The following SNX17 variants were observed in gnomAD, a reference collection of about 807,000 sequenced individuals.
The protein encoded by SNX17 is sorting nexin 17, also known as sorting nexin-17.
SNX17 carries 35 observed loss-of-function variants against 64.3 expected under a neutral mutation model. The ratio of observed to expected loss-of-function variants is 0.54; its 90% CI spans 0.42 to 0.72. The LOEUF (loss-of-function observed/expected upper bound fraction) is 0.72. Ranked by LOEUF, SNX17 falls within the 30% of genes least tolerant of loss-of-function variation. The pLI, the probability that SNX17 is intolerant of heterozygous loss-of-function variation, is 0.00. For synonymous variants in SNX17, 259 were observed against 230.2 expected (o/e 1.13, Z -1.13); for missense variants, 538 against 610.0 (o/e 0.88, Z 1.24).
In SNX17 at chr2:27,375,666, C is replaced by T; in HGVS notation, c.935C>T (p.Ser312Phe). ...CCTGGCCAGCAACTCCGAGAAGGCTCCTTCCGGGTCACCCGCATGCGATGC... is the reference window on the plus strand; with the variant it reads ...CCTGGCCAGCAACTCCGAGAAGGCTTCTTCCGGGTCACCCGCATGCGATGC... ...RLPGQQLREG[S>F]FRVTRMRCWR... Residue 312 changes from serine (S) to phenylalanine (F), a missense_variant, in exon 10 of 15, where the codon TCC becomes TTC. Around this residue, in one of 3 missense-constraint regions of SNX17, gnomAD observed 505 missense variants for 550.4 expected, o/e 0.92. Transcript: ENST00000233575. This position sits in a 1 kb window ranked among gnomAD's most constrained non-coding sequence, Gnocchi z 4.1. 1 of 1,614,214 alleles carries T rather than the reference C, an allele frequency of 6.2e-7. No homozygotes were observed. Among genetic ancestry groups the T allele is most frequent in the Non-Finnish European group, 8.5e-7 (1 of 1,180,046 alleles).
chr2:27,375,953 C>A lies in SNX17; in HGVS notation c.1086C>A (p.Val362=). The part of the protein sequence containing the change: ...YLMSKDRLQW[V]TITSPQAIMM... ...TGAGCAAGGACCGGCTACAGTGGGTCACCATCACTAGCCCCCAGGTGTGAA... is the reference window on the plus strand; with the variant it reads ...TGAGCAAGGACCGGCTACAGTGGGTAACCATCACTAGCCCCCAGGTGTGAA... Residue 362 remains valine (V), a synonymous_variant, in exon 11 of 15, where the codon GTC becomes GTA. Coordinates refer to ENST00000233575, the MANE Select transcript of SNX17 (RefSeq NM_014748.4). This position sits in a 1 kb window ranked among gnomAD's most constrained non-coding sequence, Gnocchi z 4.1. The A allele has an allele frequency of 6.2e-7, 1 of 1,614,116 alleles. No individual in the cohort carries two copies.
In SNX17 at chr2:27,377,533, G is replaced by A. The variant is rs756976474; in HGVS notation, c.*814G>A. 1.9e-6 allele frequency: 3 copies of A among 1,613,696 alleles called. No individual in the cohort carries two copies. The South Asian group carries it at 3.3e-5, about 18-fold the overall frequency. On this transcript the variant is annotated 3_prime_UTR_variant, in exon 15 of 15. Coordinates refer to ENST00000233575, the MANE Select transcript of SNX17 (RefSeq NM_014748.4). This position sits in a 1 kb window ranked among gnomAD's most constrained non-coding sequence, Gnocchi z 4.4. ...GTCCGTCTGTATAAAACATGGGGAA[G>A]AAGGACCTAGTTCAGGATGAGTCTG...
chr2:27,370,965 A>AT (rs1307583947), intron 1 of SNX17, among the ~76,000 whole-genome samples, 159 bp downstream of exon 1: 1 of 152,112 alleles, frequency 6.6e-6, no homozygotes, highest in Non-Finnish European at 1.5e-5. Context: ...CATGTGTGTG[A>AT]TTCGTGCAGT....
rs1682754342 is a variant in SNX17, at chr2:27,372,669, A to G, written c.185A>G (p.Lys62Arg). ...GANVLPAFPP[K>R]KLFSLTPAEV... is the part of the protein sequence containing the mutation. ...AATGTGCTTCCTGCATTCCCCCCAA[A>G]GAAGCTTTTCTCTCTGACTCCTGCT... Residue 62 changes from lysine to arginine, a missense_variant, in exon 3 of 15, where the codon AAG (lysine) becomes AGG (arginine). Transcript: ENST00000233575. The G allele has an allele frequency of 1.2e-6, 2 of 1,614,224 alleles. No homozygotes were observed. The highest frequency in any genetic ancestry group is 1.7e-6 in the Non-Finnish European group (2 of 1,180,030).
Position 27,377,206 on chromosome 2 carries a change from T to A in SNX17, c.*487T>A, listed in dbSNP as rs1433931496. 1 of 492,950 alleles carries A rather than the reference T, an allele frequency of 2.0e-6. No individual in the cohort carries two copies. Among genetic ancestry groups the A allele is most frequent in the Non-Finnish European group, 3.7e-6 (1 of 268,632 alleles). The allele number at this position is 492,950 out of a possible 1,614,324, so 30.5% of individuals were successfully genotyped here. A position where few individuals can be genotyped will look rare whatever the true frequency, so the allele number is the denominator to read the frequency against. Reference sequence around the variant, plus strand: ...ATGCTAAGGGTAAGGCCAAATTGCCTGCCATTGCCAATTCAGCATAGACAT... The same window carrying A: ...ATGCTAAGGGTAAGGCCAAATTGCCAGCCATTGCCAATTCAGCATAGACAT... On this transcript the variant is annotated 3_prime_UTR_variant, in exon 15 of 15. Transcript: ENST00000233575. The surrounding 1 kb of genome is among the most constrained non-coding windows in gnomAD (Gnocchi z 4.4).
chr2:27,370,841 G>C lies in SNX17; in HGVS notation c.63+35G>C, dbSNP rs1425034360. 9.1e-6 allele frequency: 14 copies of C among 1,531,070 alleles called. No individual in the cohort carries two copies. The East Asian group carries it at 3.4e-4, about 38-fold the overall frequency. 94.8% of individuals were successfully genotyped at this position (1,531,070 alleles called of 1,614,324 possible). On this transcript the variant is annotated intron_variant, in intron 1 of 14. Coordinates refer to ENST00000233575, the MANE Select transcript of SNX17 (RefSeq NM_014748.4). ...GGCCGGAGCCGAGCCGGGCCGGGCA[G>C]GGGCGGGGATAACGGGCCCGAGCCA...
In SNX17 at chr2:27,372,713, G is replaced by C. The variant is rs779601816; in HGVS notation, c.229G>C (p.Glu77Gln). Residue 77 changes from glutamate (E) to glutamine (Q), a missense_variant, in exon 3 of 15, where the codon GAG (glutamate) becomes CAG (glutamine). Glu to Gln is a conservative substitution (Grantham distance 29). This residue lies in a region of SNX17 where 505 missense variants were observed against 550.4 expected (regional missense o/e 0.92). Coordinates refer to ENST00000233575, the MANE Select transcript of SNX17 (RefSeq NM_014748.4). ...TCCTGCTGAGGTAGAACAGAGGAGA[G>C]AGCAGTTAGAGAAGTACATGCAAGC... ...LTPAEVEQRR[E>Q]QLEKYMQAVR... 2 of 1,614,220 alleles carry C rather than the reference G, an allele frequency of 1.2e-6. No individual in the cohort carries two copies. Among genetic ancestry groups the C allele is most frequent in the African/African-American group, 1.3e-5 (1 of 75,064 alleles).
chr2:27,375,074 T>G lies in SNX17; in HGVS notation c.695T>G (p.Ile232Ser), dbSNP rs758854166. 1 of 1,614,136 alleles carries G rather than the reference T, an allele frequency of 6.2e-7. No homozygotes were observed. Among genetic ancestry groups the G allele is most frequent in the Non-Finnish European group, 8.5e-7 (1 of 1,180,012 alleles). ...TCTCTACTATAGACGGTATCAGATA[T>G]TGAGCGTGGGTGGATCTTGGTCACC... ...NLLYAQTVSD[I>S]ERGWILVTKE... Residue 232 changes from isoleucine to serine, a missense_variant, in exon 9 of 15, where the codon ATT becomes AGT. Physicochemically the swap from Ile to Ser is moderately radical, Grantham distance 142. Transcript: ENST00000233575. This position sits in a 1 kb window ranked among gnomAD's most constrained non-coding sequence, Gnocchi z 4.1.
chr2:27,372,696 A>C lies in SNX17; in HGVS notation c.212A>C (p.Glu71Ala), dbSNP rs552010130. 1.2e-6 allele frequency: 2 copies of C among 1,614,200 alleles called. No individual in the cohort carries two copies. The highest frequency in any genetic ancestry group is 1.3e-5 in the African/African-American group (1 of 75,060). Residue 71 changes from glutamate (E) to alanine (A), a missense_variant, in exon 3 of 15, where the codon GAG (glutamate) becomes GCG (alanine). Glu to Ala is a moderately radical substitution (Grantham distance 107). Around this residue, in one of 3 missense-constraint regions of SNX17, gnomAD observed 505 missense variants for 550.4 expected, o/e 0.92. Transcript: ENST00000233575. ...PKKLFSLTPA[E>A]VEQRREQLEK... is the part of the protein sequence containing the mutation. ...AAGCTTTTCTCTCTGACTCCTGCTGAGGTAGAACAGAGGAGAGAGCAGTTA... is the reference window on the plus strand; with the variant it reads ...AAGCTTTTCTCTCTGACTCCTGCTGCGGTAGAACAGAGGAGAGAGCAGTTA...
chr2:27,374,481 T>C (rs1682965152), intron 7 of SNX17, 48 bp downstream of exon 7: 1 of 1,518,252 alleles, frequency 6.6e-7, no homozygotes, highest in East Asian at 2.3e-5. Flanking sequence ...CTGTGCTGGA[T>C]TGGATTATTG....
Position 27,377,414 on chromosome 2 carries a change from G to C in SNX17, c.*695G>C, listed in dbSNP as rs577733777. ...AGGCAAGGTCCCCTGGTCCATATGG[G>C]CCCCCCCGCCCATGGGGTTGGGCTG... On this transcript the variant is annotated 3_prime_UTR_variant, in exon 15 of 15. Transcript: ENST00000233575. This position sits in a 1 kb window ranked among gnomAD's most constrained non-coding sequence, Gnocchi z 4.4. 2.2e-5 allele frequency: 22 copies of C among 1,010,832 alleles called. No individual in the cohort carries two copies. The East Asian group carries it at 4.1e-4, about 19-fold the overall frequency. The allele number at this position is 1,010,832 out of a possible 1,614,324, so 62.6% of individuals were successfully genotyped here.
In SNX17 at chr2:27,376,731, T is replaced by C. The variant is rs758854649; in HGVS notation, c.*12T>C. The C allele has an allele frequency of 6.2e-7, 1 of 1,605,028 alleles. No homozygotes were observed. The highest frequency in any genetic ancestry group is 1.1e-5 in the South Asian group (1 of 90,836). On this transcript the variant is annotated 3_prime_UTR_variant, in exon 15 of 15. Coordinates refer to ENST00000233575, the MANE Select transcript of SNX17 (RefSeq NM_014748.4). Reference sequence around the variant, plus strand: ...ATGAGGATCTGTAATCTCCACTGCTTGGATGTCTGCCCTCTACCCCAGAGG... The same window carrying C: ...ATGAGGATCTGTAATCTCCACTGCTCGGATGTCTGCCCTCTACCCCAGAGG...
At position 27,375,606 on chromosome 2, in the gene SNX17, C is replaced by T. The variant is rs201136377; in HGVS notation, c.875C>T (p.Ala292Val). 6.3e-5 allele frequency: 102 copies of T among 1,614,134 alleles called. No individual in the cohort carries two copies. The highest frequency in any genetic ancestry group is 8.1e-5 in the Non-Finnish European group (95 of 1,180,004). Residue 292 changes from alanine to valine, a missense_variant, in exon 10 of 15, where the codon GCG (alanine) becomes GTG (valine). By Grantham distance (64) the Ala-to-Val change is moderately conservative. Coordinates refer to ENST00000233575, the MANE Select transcript of SNX17 (RefSeq NM_014748.4). This position sits in a 1 kb window ranked among gnomAD's most constrained non-coding sequence, Gnocchi z 4.1. ...PEKDCPVVVS[A>V]GNSELSLQLR... Reference sequence around the variant, plus strand: ...AAGGACTGTCCTGTGGTGGTGAGCGCGGGCAACAGTGAGCTCAGCCTGCAG... The same window carrying T: ...AAGGACTGTCCTGTGGTGGTGAGCGTGGGCAACAGTGAGCTCAGCCTGCAG...
At chr2:27,370,921 G>A in intron 1 of SNX17, 115 bp downstream of exon 1, 3 of 1,181,302 alleles carry the variant, frequency 2.5e-6, no homozygotes, top group Admixed American at 2.7e-5. Context: ...GTCCTGGGCC[G>A]CCGACTCCCG....
rs1232759723 is a variant in SNX17 at position 27,376,779 on chromosome 2, G to C, written c.*60G>C. The C allele has an allele frequency of 2.1e-6, 3 of 1,436,294 alleles. No individual in the cohort carries two copies. The East Asian group carries it at 6.9e-5, about 33-fold the overall frequency. 89.0% of individuals were successfully genotyped at this position (1,436,294 alleles called of 1,614,324 possible). ...AGGAATTTACAGAAACTTGCCCTGT[G>C]CCTGTGTCCCCCATGCTAGGGGCGG... On this transcript the variant is annotated 3_prime_UTR_variant, in exon 15 of 15. Transcript: ENST00000233575.
chr2:27,376,028 A>T lies in SNX17; in HGVS notation c.1104+57A>T. ...CACCTTAAAGTGTAGAGTTTCCAGT[A>T]CTCAATATGGGAGGCATTAGTGGTG... On this transcript the variant is annotated intron_variant, in intron 11 of 14. Transcript: ENST00000233575. The T allele has an allele frequency of 1.1e-5, 17 of 1,613,684 alleles. No homozygotes were observed. The South Asian group carries it at 1.8e-4, about 17-fold the overall frequency.
Position 27,371,473 on chromosome 2 carries a change from G to A in SNX17, c.138+130G>A, listed in dbSNP as rs545009665. 3 of 1,417,444 alleles carry A rather than the reference G, an allele frequency of 2.1e-6. No individual in the cohort carries two copies. The East Asian group carries it at 8.0e-5, about 38-fold the overall frequency. 87.8% of individuals were successfully genotyped at this position (1,417,444 alleles called of 1,614,324 possible). ...CCCTTTAATCACTGCCACAGGGTAG[G>A]GCCCTGGTTTATCTTGTCTGACATT... On this transcript the variant is annotated intron_variant, in intron 2 of 14. Transcript: ENST00000233575.
chr2:27,376,820 C>T lies in SNX17; in HGVS notation c.*101C>T, dbSNP rs1022420202. On this transcript the variant is annotated 3_prime_UTR_variant, in exon 15 of 15. Coordinates refer to ENST00000233575, the MANE Select transcript of SNX17 (RefSeq NM_014748.4). ...CTAGGGGCGGAGGGGTCTTTTCCTT[C>T]TTCTTTCCTACCTACCCCTTTTCTC... The T allele has an allele frequency of 4.2e-6, 4 of 958,558 alleles. No individual in the cohort carries two copies. The highest frequency in any genetic ancestry group is 4.3e-5 in the Admixed American group (2 of 46,582). The allele number at this position is 958,558 out of a possible 1,614,324, so 59.4% of individuals were successfully genotyped here.
Position 27,376,793 on chromosome 2 carries a change from T to C in SNX17, c.*74T>C. 1 of 1,291,774 alleles carries C rather than the reference T, an allele frequency of 7.7e-7. No homozygotes were observed. 80.0% of individuals were successfully genotyped at this position (1,291,774 alleles called of 1,614,324 possible). A position where few individuals can be genotyped will look rare whatever the true frequency, so the allele number is the denominator to read the frequency against. The stretch of plus-strand genomic sequence containing the variant: ...ACTTGCCCTGTGCCTGTGTCCCCCA[T>C]GCTAGGGGCGGAGGGGTCTTTTCCT... On this transcript the variant is annotated 3_prime_UTR_variant, in exon 15 of 15. Coordinates refer to ENST00000233575, the MANE Select transcript of SNX17 (RefSeq NM_014748.4).
Sources: gnomAD v4.1 joint callset for allele counts (sites outside exome capture counted in the v4.1 genomes callset) on GRCh38, gnomAD v4.1.1 for gene constraint, gnomAD v4.1.1 regional missense constraint, Gnocchi (gnomAD v3.1) non-coding constraint, MANE v1.5 for transcripts, NCBI Gene and HGNC (gene_info 2026-07-23, HGNC 2026-07-21) for gene names.